Variants in APOO observed in about 807,000 individuals in gnomAD.
APOO encodes apolipoprotein O.
Under a neutral mutation model 23.1 loss-of-function variants are expected in APOO, and 11 were observed. The ratio of observed to expected loss-of-function variants is 0.48; its 90% CI spans 0.30 to 0.79. The LOEUF is 0.79. Among genes scored for constraint, APOO ranks in the 30% least tolerant of loss-of-function variants. The pLI is 0.07. For missense variants in APOO, 160 were observed against 142.7 expected, an observed-to-expected ratio of 1.12 and a Z score of -0.62; for synonymous variants, 59 against 54.8, an observed-to-expected ratio of 1.08 and a Z score of -0.34.
chrX:23,907,579 G>A (rs1019722560), intron 1 of APOO, 115 bp downstream of exon 1: 5 of 827,333 alleles, frequency 6.0e-6, no homozygotes, highest in Non-Finnish European at 8.2e-6. Context: ...CCAGTGGCGG[G>A]AAAAGCCTCG....
chrX:23,893,489 G>T (rs148185256), intron 1 of APOO, among the ~76,000 whole-genome samples: 2 of 111,036 alleles, frequency 1.8e-5, no homozygotes, highest in African/African-American at 6.5e-5. Context: ...TTCTTGAAAC[G>T]TCAAAAGAAT....
Position 23,840,387 on chromosome X carries a change from CA to C in APOO, c.562-11del. On this transcript the variant is annotated splice_polypyrimidine_tract_variant and intron_variant, in intron 7 of 8. Transcript: ENST00000379226. ...TCTTCACATTTCCTGGCTTTTAAAA[CA>C]AAAGAAAGAGCTTGAATGCAGTTTG... is the stretch of plus-strand genomic sequence containing the variant. 1 of 1,194,956 alleles carries C rather than the reference CA, an allele frequency of 8.4e-7. No homozygotes were observed. The highest frequency in any genetic ancestry group is 1.9e-5 in the South Asian group (1 of 53,726).
chrX:23,886,881 C>G (rs891932562), intron 1 of APOO, among the ~76,000 whole-genome samples: 2 of 111,368 alleles, frequency 1.8e-5, no homozygotes, highest in Non-Finnish European at 3.8e-5. Context: ...TCAGGCCAAC[C>G]TATTCAAAAT....
At chrX:23,874,519 C>G in intron 3 of APOO, 62 bp from the exon 4 acceptor site, 2 of 943,203 alleles carry the variant, frequency 2.1e-6, no homozygotes, top group East Asian at 6.2e-5. Flanking sequence ...AGAAAGTTAA[C>G]AGAATAAATA....
intron 3 of APOO, 134 bp downstream of exon 3, chrX:23,878,781 T>A: frequency 2.3e-4 from 149 of 653,621 alleles, no homozygotes; most frequent in Middle Eastern, 8.4e-4. Flanking sequence ...AGACCCCCAC[T>A]ACCCTTCCCA....
At position 23,893,736 on chromosome X, in the gene APOO, T is replaced by A. The variant is rs935497455; in HGVS notation, c.10-12784A>T. ...GGTGCCTGCCACCACGCCCAGCTAA[T>A]TTTTTTTGTATTTTCAGTAGAGATG... On this transcript the variant is annotated intron_variant, in intron 1 of 8. Coordinates refer to ENST00000379226, the MANE Select transcript of APOO (RefSeq NM_024122.5). Among the ~76,000 whole-genome samples the A allele has an allele frequency of 2.7e-5, 3 of 109,830 alleles. No homozygotes were observed. In the Admixed American group the frequency reaches 2.9e-4, roughly 11 times the overall value.
At chrX:23,874,910 TATA>T (rs1202678479) in intron 3 of APOO, among the ~76,000 whole-genome samples, 1 of 111,807 alleles carries the variant, frequency 8.9e-6, no homozygotes, top group Non-Finnish European at 1.9e-5. Flanking sequence ...AGACAAAGGC[TATA>T]GCCCAAAGCA....
At chrX:23,905,666 A>C (rs749529056) in intron 1 of APOO, among the ~76,000 whole-genome samples, 3 of 111,969 alleles carry the variant, frequency 2.7e-5, no homozygotes, top group African/African-American at 9.7e-5. Context: ...CCTTCTCAAA[A>C]TAATGCTTCT....
chrX:23,867,138 CGAAACG>C (rs1925378963), intron 5 of APOO, among the ~76,000 whole-genome samples: 1 of 110,512 alleles, frequency 9.0e-6, no homozygotes, highest in African/African-American at 3.3e-5. Context: ...CGAAACGAAA[CGAAACG>C]AAACTAAACT....
intron 5 of APOO, among the ~76,000 whole-genome samples, chrX:23,865,820 T>C (rs1925311440): frequency 9.0e-6 from 1 of 111,305 alleles, no homozygotes; most frequent in African/African-American, 3.3e-5. Context: ...GACCTGCTAT[T>C]GCACATGTGT....
At chrX:23,858,866 C>T (rs1380971404) in intron 5 of APOO, 133 bp from the exon 6 acceptor site, 21 of 516,776 alleles carry the variant, frequency 4.1e-5, no homozygotes, top group Non-Finnish European at 5.7e-5. Context: ...TCTGGGAGGC[C>T]GAGGCGGGAG....
chrX:23,860,517 C>CT (rs1361339261), intron 5 of APOO, among the ~76,000 whole-genome samples: 2 of 108,500 alleles, frequency 1.8e-5, no homozygotes, highest in South Asian at 8.2e-4. Flanking sequence ...ATCTCCATTT[C>CT]TTTTTTTTCT....
chrX:23,869,827 C>T (rs1925524144), intron 4 of APOO, among the ~76,000 whole-genome samples: 1 of 106,992 alleles, frequency 9.3e-6, no homozygotes, highest in Admixed American at 1.0e-4. Context: ...TGGCACGCTC[C>T]TGTAATCCCA....
At chrX:23,906,211 C>A (rs1927346737) in intron 1 of APOO, among the ~76,000 whole-genome samples, 1 of 112,811 alleles carries the variant, frequency 8.9e-6, no homozygotes, top group African/African-American at 3.2e-5. Flanking sequence ...AAGTCACCAG[C>A]AGAACTGCCC....
intron 5 of APOO, among the ~76,000 whole-genome samples, chrX:23,862,444 G>A (rs187198315): frequency 6.4e-4 from 71 of 110,682 alleles, no homozygotes; most frequent in African/African-American, 2.1e-3. Flanking sequence ...TAATTAATGC[G>A]TTGAGGAAGG....
At chrX:23,900,033 C>T (rs1384872091) in intron 1 of APOO, among the ~76,000 whole-genome samples, 1 of 112,354 alleles carries the variant, frequency 8.9e-6, no homozygotes, top group Non-Finnish European at 1.9e-5. Flanking sequence ...TCTTTCTCCT[C>T]TTCCAGTGTT....
At chrX:23,851,317 C>G (rs751714368) in intron 7 of APOO, among the ~76,000 whole-genome samples, 1 of 110,583 alleles carries the variant, frequency 9.0e-6, no homozygotes, top group South Asian at 3.8e-4. Context: ...CTCAGCCTCC[C>G]GAGTAGCTGG....
chrX:23,881,172 T>G (rs1318369882), intron 1 of APOO, among the ~76,000 whole-genome samples: 1 of 110,321 alleles, frequency 9.1e-6, no homozygotes, highest in Non-Finnish European at 1.9e-5. Flanking sequence ...ACGCCCAGGT[T>G]CAAGCGATTC....
At chrX:23,837,597 G>T (rs1012128414) in intron 8 of APOO, among the ~76,000 whole-genome samples, 1 of 107,491 alleles carries the variant, frequency 9.3e-6, no homozygotes, top group Non-Finnish European at 1.9e-5. Flanking sequence ...ATGTATGCAT[G>T]AATATATTAT....
Sources: gnomAD v4.1 joint callset for allele counts (sites outside exome capture counted in the v4.1 genomes callset) on GRCh38, gnomAD v4.1.1 for gene constraint, MANE v1.5 for transcripts, NCBI Gene and HGNC (gene_info 2026-07-23, HGNC 2026-07-21) for gene names.